Variants in GRK5 observed in about 807,000 individuals in gnomAD.
GRK5 encodes the protein g protein-coupled receptor kinase GRK5.
Under a neutral mutation model 78.4 loss-of-function variants are expected in GRK5, and 40 were observed. The observed-to-expected ratio is 0.51, with a 90% CI of 0.40 to 0.66. The LOEUF is 0.66. Among genes scored for constraint, GRK5 ranks in the 30% least tolerant of loss-of-function variants. The pLI, the probability that GRK5 is intolerant of heterozygous loss-of-function variation, is 0.00. For synonymous variants in GRK5, 289 were observed against 296.8 expected, an observed-to-expected ratio of 0.97 and a Z score of 0.27; for missense variants, 598 against 759.9, an observed-to-expected ratio of 0.79 and a Z score of 2.50.
chr10:119,341,791 C>A (rs1850985673), intron 2 of GRK5, among the ~76,000 whole-genome samples: 1 of 152,130 alleles, frequency 6.6e-6, no homozygotes, highest in Admixed American at 6.5e-5. Flanking sequence ...TCAATCTTCC[C>A]AAGTGTTAGA....
Position 119,443,709 on chromosome 10 carries a change from A to C in GRK5, c.1223A>C (p.Tyr408Ser). The change falls in exon 12 of 16, where the codon TAC becomes TCC. Residue 408 changes from tyrosine (Y) to serine (S), a missense_variant. Coordinates refer to ENST00000392870, the MANE Select transcript of GRK5 (RefSeq NM_005308.3). ...CGGGTCCTGGAGACGGAGGAGGTGTACTCCCACAAGTTCTCCGAGGAGGCC... is the reference window on the plus strand; with the variant it reads ...CGGGTCCTGGAGACGGAGGAGGTGTCCTCCCACAAGTTCTCCGAGGAGGCC... The part of the protein sequence containing the change: ...DRRVLETEEV[Y>S]SHKFSEEAKS... 6.2e-7 allele frequency: 1 copy of C among 1,611,786 alleles called. No individual in the cohort carries two copies.
Position 119,284,497 on chromosome 10 carries a change from C to T in GRK5, c.53-42019C>T, listed in dbSNP as rs948048907. ...ACACCATCAATATGAAAATTATTAA[C>T]AAGATATTTTACATTCCTTTTTCTA... On this transcript the variant is annotated intron_variant, in intron 1 of 15. Coordinates refer to ENST00000392870, the MANE Select transcript of GRK5 (RefSeq NM_005308.3). Among the ~76,000 whole-genome samples, 12 of 152,210 alleles carry T rather than the reference C, an allele frequency of 7.9e-5. No individual in the cohort carries two copies. The East Asian group carries it at 2.1e-3, about 27-fold the overall frequency.
intron 4 of GRK5, among the ~76,000 whole-genome samples, chr10:119,401,021 C>G (rs1852141077): frequency 6.6e-6 from 1 of 152,164 alleles, no homozygotes; most frequent in Admixed American, 6.5e-5. Flanking sequence ...CATCTGCTCT[C>G]TGTGTCCCCG....
chr10:119,279,465 A>G (rs1474874968), intron 1 of GRK5, among the ~76,000 whole-genome samples: 1 of 152,238 alleles, frequency 6.6e-6, no homozygotes, highest in African/African-American at 2.4e-5. Context: ...GAAAGTGGGA[A>G]GATCCAGTTT....
chr10:119,235,205 G>A lies in GRK5; in HGVS notation c.52+27236G>A, dbSNP rs578253303. ...CACCATGTTGCCCAGGCTGGGATAA[G>A]TGTAATTTCTAAATCTGGCTTTCAT... On this transcript the variant is annotated intron_variant, in intron 1 of 15. Coordinates refer to ENST00000392870, the MANE Select transcript of GRK5 (RefSeq NM_005308.3). 5.9e-5 allele frequency among the ~76,000 whole-genome samples: 9 copies of A among 151,730 alleles called. No homozygotes were observed. The East Asian group carries it at 1.5e-3, about 26-fold the overall frequency.
intron 1 of GRK5, among the ~76,000 whole-genome samples, chr10:119,294,568 G>T (rs575722927): frequency 6.6e-6 from 1 of 152,176 alleles, no homozygotes; most frequent in Non-Finnish European, 1.5e-5. Context: ...TAGGAATCAG[G>T]TGTGAGCCAG....
Position 119,412,727 on chromosome 10 carries a change from A to G in GRK5, c.340-10439A>G, listed in dbSNP as rs78989097. On this transcript the variant is annotated intron_variant, in intron 4 of 15. Coordinates refer to ENST00000392870, the MANE Select transcript of GRK5 (RefSeq NM_005308.3). This position sits in a 1 kb window ranked among gnomAD's most constrained non-coding sequence, Gnocchi z 4.3. ...TCAGCCAGGCCTTAAATCAACCCTC[A>G]AGTGAGGAAATGCTCTCTGCGCCTG... is the stretch of plus-strand genomic sequence containing the variant. Among the ~76,000 whole-genome samples, 5,706 of 152,246 alleles carry G rather than the reference A, an allele frequency of 0.037. 211 individuals carry two copies. The highest frequency in any genetic ancestry group is 0.09 in the African/African-American group (3,738 of 41,516).
At chr10:119,220,720 G>C (rs1315341601) in intron 1 of GRK5, among the ~76,000 whole-genome samples, 1 of 151,586 alleles carries the variant, frequency 6.6e-6, no homozygotes, top group Non-Finnish European at 1.5e-5. Flanking sequence ...CTGTAATCTC[G>C]GCTACTTGGG....
chr10:119,263,015 A>T (rs755522019), intron 1 of GRK5, among the ~76,000 whole-genome samples: 13 of 149,732 alleles, frequency 8.7e-5, no homozygotes, highest in Non-Finnish European at 1.6e-4. Context: ...CACAATGTAC[A>T]TTTTTTTTTT....
intron 1 of GRK5, among the ~76,000 whole-genome samples, chr10:119,276,267 C>A (rs146083774): frequency 6.6e-6 from 1 of 152,098 alleles, no homozygotes; most frequent in African/African-American, 2.4e-5. Context: ...TCCCTCCCCC[C>A]TCCTCCCACC....
At position 119,452,361 on chromosome 10, in the gene GRK5, C is replaced by T; in HGVS notation, c.1405-310C>T. ...CTGGGCACCCAGGTGCCCCGAGCTC[C>T]TGTGTCACCCCAGCCAGGGTCCCCG... On this transcript the variant is annotated intron_variant, in intron 13 of 15. Coordinates refer to ENST00000392870, the MANE Select transcript of GRK5 (RefSeq NM_005308.3). The surrounding 1 kb of genome is among the most constrained non-coding windows in gnomAD (Gnocchi z 4.4). 1 of 352,358 alleles carries T rather than the reference C, an allele frequency of 2.8e-6. No homozygotes were observed. The highest frequency in any genetic ancestry group is 3.9e-5 in the South Asian group (1 of 25,406). The allele number at this position is 352,358 out of a possible 1,614,324, so 21.8% of individuals were successfully genotyped here.
Position 119,431,785 on chromosome 10 carries a change from C to G in GRK5, c.738+258C>G, listed in dbSNP as rs546124750. Among the ~76,000 whole-genome samples the G allele has an allele frequency of 6.6e-5, 10 of 152,344 alleles. No homozygotes were observed. Among genetic ancestry groups the G allele is most frequent in the African/African-American group, 2.4e-4 (10 of 41,580 alleles). Reference sequence around the variant, plus strand: ...CCTGCTGTGCATGAGACCGACGCCTCTGTTCTCCTGGACCACTTTGTAAAC... The same window carrying G: ...CCTGCTGTGCATGAGACCGACGCCTGTGTTCTCCTGGACCACTTTGTAAAC... On this transcript the variant is annotated intron_variant, in intron 8 of 15. Transcript: ENST00000392870. This position sits in a 1 kb window ranked among gnomAD's most constrained non-coding sequence, Gnocchi z 4.8.
In GRK5 at chr10:119,207,618, G is replaced by C; in HGVS notation, c.-300G>C. ...CATCCGAGGGAGCCGGAGGGGAGGAGAATGGAGTGACAGAGACACGCGGAG... is the reference window on the plus strand; with the variant it reads ...CATCCGAGGGAGCCGGAGGGGAGGACAATGGAGTGACAGAGACACGCGGAG... On this transcript the variant is annotated 5_prime_UTR_variant, in exon 1 of 16. Coordinates refer to ENST00000392870, the MANE Select transcript of GRK5 (RefSeq NM_005308.3). The C allele has an allele frequency of 3.0e-6, 1 of 333,000 alleles. No homozygotes were observed. The highest frequency in any genetic ancestry group is 2.7e-5 in the South Asian group (1 of 37,398). 20.6% of individuals were successfully genotyped at this position (333,000 alleles called of 1,614,324 possible). A position where few individuals can be genotyped will look rare whatever the true frequency, so the allele number is the denominator to read the frequency against.
intron 2 of GRK5, among the ~76,000 whole-genome samples, chr10:119,332,301 T>C (rs1850794945): frequency 6.6e-6 from 1 of 152,062 alleles, no homozygotes; most frequent in Non-Finnish European, 1.5e-5. Context: ...GAGACGGGAT[T>C]TTGCCATGTT....
intron 4 of GRK5, among the ~76,000 whole-genome samples, chr10:119,408,116 T>C (rs987155248): frequency 2.1e-5 from 3 of 144,996 alleles, no homozygotes; most frequent in African/African-American, 7.7e-5. Context: ...TGAGCCCAGA[T>C]TGCATCATTG....
intron 8 of GRK5, among the ~76,000 whole-genome samples, chr10:119,435,631 C>T (rs1177200306): frequency 6.6e-6 from 1 of 152,216 alleles, no homozygotes; most frequent in African/African-American, 2.4e-5. Context: ...GCATTTTGGG[C>T]AAAGCCATTC....
At chr10:119,353,932 C>CTT (rs761463283) in intron 2 of GRK5, among the ~76,000 whole-genome samples, 1,546 of 108,662 alleles carry the variant, frequency 0.014, 28 homozygotes, top group African/African-American at 0.026. Flanking sequence ...TTTTTTCTTT[C>CTT]TTTTTTTTTT....
intron 4 of GRK5, among the ~76,000 whole-genome samples, chr10:119,422,560 T>G (rs1852592032): frequency 6.6e-6 from 1 of 152,120 alleles, no homozygotes; most frequent in South Asian, 2.1e-4. Flanking sequence ...ATAGCTCCCC[T>G]CCCCTCCTCA....
chr10:119,208,872 T>C (rs949774899), intron 1 of GRK5, among the ~76,000 whole-genome samples: 2 of 152,132 alleles, frequency 1.3e-5, no homozygotes, highest in African/African-American at 4.8e-5. Flanking sequence ...TGTAAACATA[T>C]GTATTTAGGA....
Sources: allele counts gnomAD v4.1 joint callset (sites outside exome capture counted in the v4.1 genomes callset), GRCh38; gene constraint gnomAD v4.1.1; non-coding constraint Gnocchi (gnomAD v3.1); transcripts MANE v1.5; gene names NCBI Gene and HGNC (gene_info 2026-07-23, HGNC 2026-07-21).